The following FUT9 variants were observed in gnomAD, a reference collection of about 807,000 sequenced individuals.
FUT9 encodes the protein fucosyltransferase 9, also known as 4-galactosyl-N-acetylglucosaminide 3-alpha-L-fucosyltransferase 9.
FUT9 carries 15 observed loss-of-function variants against 29.7 expected under a neutral mutation model. The ratio of observed to expected loss-of-function variants is 0.51; its 90% CI spans 0.34 to 0.78. The LOEUF is 0.78. FUT9 is among the 30% of genes least tolerant of loss of function. FUT9 has a pLI of 0.01. For missense variants in FUT9, 319 were observed against 425.4 expected (o/e 0.75, Z 2.20); for synonymous variants, 169 against 153.7 (o/e 1.10, Z -0.74).
chr6:96,143,549 T>TC (rs1197989879), intron 2 of FUT9, among the ~76,000 whole-genome samples: 1 of 151,810 alleles, frequency 6.6e-6, no homozygotes, highest in Non-Finnish European at 1.5e-5. Flanking sequence ...TTTCCTCCCA[T>TC]CCCCTCCCTT....
chr6:96,079,113 C>A (rs963755441), intron 1 of FUT9, among the ~76,000 whole-genome samples: 1 of 152,124 alleles, frequency 6.6e-6, no homozygotes, highest in Non-Finnish European at 1.5e-5. Flanking sequence ...TTCAGAGGCA[C>A]CATGTTTTAA....
chr6:96,121,454 C>T (rs1277420115), intron 2 of FUT9, among the ~76,000 whole-genome samples: 3 of 152,004 alleles, frequency 2.0e-5, no homozygotes, highest in Admixed American at 1.3e-4. Context: ...TGAACTAGCC[C>T]CCCTAGGAAA....
intron 1 of FUT9, among the ~76,000 whole-genome samples, chr6:96,038,935 C>T (rs749752684): frequency 4.6e-5 from 7 of 152,076 alleles, no homozygotes; most frequent in Non-Finnish European, 1.0e-4. Context: ...TAACCAAAAA[C>T]TCAGGTGTCA....
chr6:96,078,804 T>C (rs1299718317), intron 1 of FUT9, among the ~76,000 whole-genome samples: 1 of 152,150 alleles, frequency 6.6e-6, no homozygotes, highest in Non-Finnish European at 1.5e-5. Flanking sequence ...TAATTGAAGC[T>C]CTTTATGCAT....
At chr6:96,138,567 G>T (rs1457742912) in intron 2 of FUT9, among the ~76,000 whole-genome samples, 1 of 151,500 alleles carries the variant, frequency 6.6e-6, no homozygotes, top group Non-Finnish European at 1.5e-5. Context: ...GAGAGCAAAA[G>T]CTCTTAGCAC....
At chr6:96,124,960 A>T (rs1772105981) in intron 2 of FUT9, among the ~76,000 whole-genome samples, 1 of 152,152 alleles carries the variant, frequency 6.6e-6, no homozygotes, top group African/African-American at 2.4e-5. Context: ...TCAACAGATG[A>T]CTCATTTCAG....
At chr6:96,016,462 C>G (rs1238784850) in intron 1 of FUT9, among the ~76,000 whole-genome samples, 1 of 152,182 alleles carries the variant, frequency 6.6e-6, no homozygotes, top group East Asian at 1.9e-4. Flanking sequence ...CCTTCCAGCC[C>G]CCAGGCTCCC....
intron 1 of FUT9, 73 bp downstream of exon 1, chr6:96,016,285 G>A (rs1769976913): frequency 6.6e-6 from 1 of 152,652 alleles, no homozygotes. Flanking sequence ...TGGTTTGGGA[G>A]GCACCCCAAA....
In FUT9 at chr6:96,102,158, TG is replaced by T. The variant is rs1771597011; in HGVS notation, c.-97-11880del. On this transcript the variant is annotated intron_variant, in intron 1 of 2. Coordinates refer to ENST00000302103, the MANE Select transcript of FUT9 (RefSeq NM_006581.4). ...ATCTTTATATGGAAGTAGGTAACAA[TG>T]TTATTGAGAGATCGTTGTTTATTTC... is the stretch of plus-strand genomic sequence containing the variant. 2.6e-5 allele frequency among the ~76,000 whole-genome samples: 4 copies of T among 152,192 alleles called. 1 individual carries two copies. The highest frequency in any genetic ancestry group is 2.6e-4 in the Admixed American group (4 of 15,276).
intron 1 of FUT9, among the ~76,000 whole-genome samples, chr6:96,108,414 T>C (rs1166769614): frequency 1.3e-5 from 2 of 152,074 alleles, no homozygotes; most frequent in Non-Finnish European, 2.9e-5. Context: ...ACATTTCTCA[T>C]CTCTAAAACT....
rs576359640 is a variant in FUT9, at chr6:96,043,091, G to A, written c.-98+26879G>A. Among the ~76,000 whole-genome samples the A allele has an allele frequency of 2.5e-3, 374 of 152,096 alleles. 1 individual carries two copies. Among genetic ancestry groups the A allele is most frequent in the African/African-American group, 8.7e-3 (362 of 41,476 alleles). On this transcript the variant is annotated intron_variant, in intron 1 of 2. Transcript: ENST00000302103. The stretch of plus-strand genomic sequence containing the variant: ...TTCTTTTTTTTGGTCTCACTCTGTC[G>A]CCCAGGCTGGAGTGCGGTGGCGCGA...
At chr6:96,198,829 A>T (rs1773677294) in intron 2 of FUT9, among the ~76,000 whole-genome samples, 1 of 152,082 alleles carries the variant, frequency 6.6e-6, no homozygotes. Flanking sequence ...GTGAGATGGT[A>T]TCTCATTGTG....
intron 2 of FUT9, among the ~76,000 whole-genome samples, chr6:96,158,207 C>T (rs576335202): frequency 6.6e-6 from 1 of 152,064 alleles, no homozygotes; most frequent in Admixed American, 6.5e-5. Flanking sequence ...TCAAAGACTC[C>T]ATTTCTGATT....
chr6:96,195,373 C>T (rs1246717977), intron 2 of FUT9, among the ~76,000 whole-genome samples: 1 of 152,070 alleles, frequency 6.6e-6, no homozygotes, highest in Non-Finnish European at 1.5e-5. Flanking sequence ...AAAACAAAGG[C>T]TTACCCTTGG....
intron 1 of FUT9, chr6:96,020,872 C>T (rs1770056337): frequency 1.3e-5 from 2 of 152,108 alleles, no homozygotes; most frequent in African/African-American, 4.8e-5. Flanking sequence ...GAAAACTACA[C>T]TTCTAAGGCT....
At chr6:96,149,664 A>C (rs909474473) in intron 2 of FUT9, among the ~76,000 whole-genome samples, 1 of 152,242 alleles carries the variant, frequency 6.6e-6, no homozygotes, top group Non-Finnish European at 1.5e-5. Context: ...GCATTCCATC[A>C]AAAGCAAGCA....
intron 1 of FUT9, among the ~76,000 whole-genome samples, chr6:96,111,012 C>A (rs572956606): frequency 6.6e-6 from 1 of 152,130 alleles, no homozygotes; most frequent in Non-Finnish European, 1.5e-5. Flanking sequence ...TCCATGCAAA[C>A]CCAGTCATTT....
intron 2 of FUT9, among the ~76,000 whole-genome samples, chr6:96,186,480 T>A (rs963615065): frequency 1.3e-5 from 2 of 152,168 alleles, no homozygotes; most frequent in African/African-American, 4.8e-5. Flanking sequence ...ATATGCACGA[T>A]GGTGTTTGTT....
intron 2 of FUT9, among the ~76,000 whole-genome samples, chr6:96,196,452 G>A (rs1401279047): frequency 5.3e-5 from 8 of 152,074 alleles, no homozygotes; most frequent in South Asian, 2.1e-4. Context: ...AGTGGCTCAC[G>A]CCTGTAACCC....
Sources: gnomAD v4.1 joint callset for allele counts (sites outside exome capture counted in the v4.1 genomes callset) on GRCh38, gnomAD v4.1.1 for gene constraint, MANE v1.5 for transcripts, NCBI Gene and HGNC (gene_info 2026-07-23, HGNC 2026-07-21) for gene names.